Variants in ATRNL1 observed in about 807,000 individuals in gnomAD.
ATRNL1 encodes the protein attractin like 1.
In ATRNL1, 95 loss-of-function variants were observed where a neutral mutation model predicts 182.7. The observed-to-expected ratio is 0.52, with a 90% CI of 0.44 to 0.62. The LOEUF is 0.62. ATRNL1 is among the 20% of genes least tolerant of loss of function. The pLI is 0.00. For synonymous variants in ATRNL1, 576 were observed against 568.3 expected (o/e 1.01, Z -0.19); for missense variants, 1,471 against 1,679.5 (o/e 0.88, Z 2.17).
chr10:115,867,862 A>G (rs558391734), intron 28 of ATRNL1, among the ~76,000 whole-genome samples: 2 of 151,922 alleles, frequency 1.3e-5, no homozygotes, highest in Admixed American at 1.3e-4. Flanking sequence ...TCAGCCTTTC[A>G]AATAGCTGGG....
At chr10:115,812,530 G>A (rs193234588) in intron 27 of ATRNL1, among the ~76,000 whole-genome samples, 1 of 152,254 alleles carries the variant, frequency 6.6e-6, no homozygotes, top group East Asian at 1.9e-4. Flanking sequence ...AAGCTGGAGT[G>A]CAATGGCACG....
chr10:115,603,637 CTT>C (rs1856727695), intron 26 of ATRNL1, among the ~76,000 whole-genome samples: 2 of 152,142 alleles, frequency 1.3e-5, no homozygotes, highest in Non-Finnish European at 2.9e-5. Context: ...ATACATTTAA[CTT>C]ATACATATTT....
intron 26 of ATRNL1, among the ~76,000 whole-genome samples, chr10:115,588,519 T>C (rs546259890): frequency 6.6e-6 from 1 of 152,338 alleles, no homozygotes; most frequent in South Asian, 2.1e-4. Context: ...CTTTCTGCTT[T>C]CAAAGCTAAG....
intron 26 of ATRNL1, among the ~76,000 whole-genome samples, chr10:115,720,162 C>A (rs1947378530): frequency 6.6e-6 from 1 of 152,016 alleles, no homozygotes; most frequent in Non-Finnish European, 1.5e-5. Flanking sequence ...TGCGTCTGGC[C>A]CCTATCCCTT....
At chr10:115,636,533 A>G (rs1189094695) in intron 26 of ATRNL1, among the ~76,000 whole-genome samples, 3 of 152,246 alleles carry the variant, frequency 2.0e-5, no homozygotes, top group African/African-American at 7.2e-5. Flanking sequence ...AACAAAGAGA[A>G]TGCCTACTAA....
At chr10:115,738,649 G>A (rs1555066830) in intron 27 of ATRNL1, among the ~76,000 whole-genome samples, 1 of 152,062 alleles carries the variant, frequency 6.6e-6, no homozygotes, top group Non-Finnish European at 1.5e-5. Flanking sequence ...TGTCAGATTT[G>A]TAGTATTAAC....
At chr10:115,295,199 G>A (rs1853118263) in intron 15 of ATRNL1, among the ~76,000 whole-genome samples, 1 of 152,120 alleles carries the variant, frequency 6.6e-6, no homozygotes, top group African/African-American at 2.4e-5. Flanking sequence ...CAGGAGACAA[G>A]TTGAAGGCTG....
At chr10:115,824,921 C>G (rs1345047407) in intron 27 of ATRNL1, among the ~76,000 whole-genome samples, 1 of 152,126 alleles carries the variant, frequency 6.6e-6, no homozygotes, top group Admixed American at 6.6e-5. Context: ...AATCATTCTA[C>G]TATAAAGATA....
intron 21 of ATRNL1, among the ~76,000 whole-genome samples, chr10:115,432,425 C>T (rs970121032): frequency 6.6e-6 from 1 of 151,906 alleles, no homozygotes; most frequent in African/African-American, 2.4e-5. Context: ...TGCTGTGAGA[C>T]GTTTAAAGCT....
intron 21 of ATRNL1, among the ~76,000 whole-genome samples, chr10:115,452,961 A>G (rs775007705): frequency 6.6e-6 from 1 of 152,078 alleles, no homozygotes; most frequent in Non-Finnish European, 1.5e-5. Flanking sequence ...TCTTCTGGTC[A>G]GGCTTATTTC....
chr10:115,385,254 T>A (rs1267851760), intron 19 of ATRNL1, among the ~76,000 whole-genome samples: 1 of 152,140 alleles, frequency 6.6e-6, no homozygotes, highest in African/African-American at 2.4e-5. Context: ...ATAGTATGTG[T>A]TTGATGGTAT....
At chr10:115,339,533 G>A (rs1855641248) in intron 19 of ATRNL1, among the ~76,000 whole-genome samples, 1 of 152,046 alleles carries the variant, frequency 6.6e-6, no homozygotes, top group South Asian at 2.1e-4. Flanking sequence ...ATATAGAAAT[G>A]CTACTGATTT....
At chr10:115,555,621 C>A (rs570626064) in intron 26 of ATRNL1, among the ~76,000 whole-genome samples, 1 of 151,810 alleles carries the variant, frequency 6.6e-6, no homozygotes, top group African/African-American at 2.4e-5. Context: ...CAGCAATGAA[C>A]AAGCCAAATA....
intron 28 of ATRNL1, among the ~76,000 whole-genome samples, chr10:115,937,008 T>C (rs142602559): frequency 2.5e-4 from 38 of 152,278 alleles, no homozygotes; most frequent in African/African-American, 7.9e-4. Context: ...TTTGAGTATG[T>C]AATTAAAAAT....
At chr10:115,323,690 C>T (rs1252591646) in intron 18 of ATRNL1, among the ~76,000 whole-genome samples, 2 of 152,048 alleles carry the variant, frequency 1.3e-5, no homozygotes, top group African/African-American at 4.8e-5. Flanking sequence ...GTGATCTGCC[C>T]ACCTTGGCCT....
At chr10:115,561,704 G>GGGTGTGT (rs1554999765) in intron 26 of ATRNL1, among the ~76,000 whole-genome samples, 2 of 144,938 alleles carry the variant, frequency 1.4e-5, no homozygotes, top group African/African-American at 5.2e-5. Context: ...TGTGTGTGTG[G>GGGTGTGT]GTGTGTGTGT....
chr10:115,646,217 C>T (rs1288108030), intron 26 of ATRNL1, among the ~76,000 whole-genome samples: 1 of 151,964 alleles, frequency 6.6e-6, no homozygotes, highest in Non-Finnish European at 1.5e-5. Context: ...TAAAACTGTA[C>T]ATTGATATTA....
intron 24 of ATRNL1, among the ~76,000 whole-genome samples, chr10:115,502,880 C>T (rs953298482): frequency 4.6e-5 from 7 of 152,090 alleles, no homozygotes; most frequent in Admixed American, 1.3e-4. Flanking sequence ...TTCCCCAGAA[C>T]TTAAAGTATA....
intron 13 of ATRNL1, among the ~76,000 whole-genome samples, chr10:115,278,118 T>G (rs1241194009): frequency 6.6e-6 from 1 of 152,222 alleles, no homozygotes; most frequent in Non-Finnish European, 1.5e-5. Context: ...TTATTAAGAC[T>G]AGAACCATTT....
Sources: gnomAD v4.1 joint callset for allele counts (sites outside exome capture counted in the v4.1 genomes callset) on GRCh38, gnomAD v4.1.1 for gene constraint, MANE v1.5 for transcripts, NCBI Gene and HGNC (gene_info 2026-07-23, HGNC 2026-07-21) for gene names.